SRPK2: variants seen among roughly 807,000 people sequenced by gnomAD.
SRPK2 encodes SRSF protein kinase 2.
Under a neutral mutation model 90.8 loss-of-function variants are expected in SRPK2, and 21 were observed. The observed-to-expected ratio is 0.23, with a 90% CI of 0.16 to 0.33. The LOEUF (loss-of-function observed/expected upper bound fraction) is 0.33. SRPK2 is among the 10% of genes least tolerant of loss of function. The probability of loss-of-function intolerance (pLI) is 1.00; values close to 1 mark genes in which losing one functional copy is unlikely to be tolerated. For missense variants in SRPK2, 620 were observed against 869.0 expected (o/e 0.71, Z 3.60); for synonymous variants, 288 against 311.1 (o/e 0.93, Z 0.78).
chr7:105,173,921 T>TG (rs1473086231), intron 3 of SRPK2, among the ~76,000 whole-genome samples: 1 of 142,902 alleles, frequency 7.0e-6, no homozygotes, highest in Non-Finnish European at 1.5e-5. Context: ...TGTGTGTTGG[T>TG]GTTTTTTTTT....
At chr7:105,118,226 G>C (rs1355556167) in intron 15 of SRPK2, among the ~76,000 whole-genome samples, 2 of 152,212 alleles carry the variant, frequency 1.3e-5, no homozygotes, top group East Asian at 3.8e-4. Flanking sequence ...AAGCCTGGTG[G>C]ATCTAAATAG....
chr7:105,339,408 A>G (rs949759709), intron 2 of SRPK2, among the ~76,000 whole-genome samples: 2 of 152,226 alleles, frequency 1.3e-5, no homozygotes, highest in Non-Finnish European at 2.9e-5. Flanking sequence ...AACCAAACAT[A>G]GAAGAATATA....
At chr7:105,286,506 GCATTCTAAGA>G (rs1808124422) in intron 2 of SRPK2, among the ~76,000 whole-genome samples, 1 of 152,034 alleles carries the variant, frequency 6.6e-6, no homozygotes, top group Non-Finnish European at 1.5e-5. Flanking sequence ...GGTAATTTGG[GCATTCTAAGA>G]CAGTCTCAGA....
chr7:105,131,213 CT>C (rs1801949754), intron 13 of SRPK2, among the ~76,000 whole-genome samples: 1 of 152,220 alleles, frequency 6.6e-6, no homozygotes, highest in South Asian at 2.1e-4. Context: ...AGCCCTGCTG[CT>C]AGTGGCCATT....
intron 3 of SRPK2, among the ~76,000 whole-genome samples, chr7:105,185,035 G>A (rs1793392951): frequency 6.6e-6 from 1 of 152,082 alleles, no homozygotes; most frequent in South Asian, 2.1e-4. Context: ...ATGAACTTTA[G>A]TACGTGAACT....
At chr7:105,299,911 A>C (rs1356123960) in intron 2 of SRPK2, among the ~76,000 whole-genome samples, 11 of 152,030 alleles carry the variant, frequency 7.2e-5, no homozygotes, top group Admixed American at 2.0e-4. Flanking sequence ...AATACAAAAC[A>C]AACAATACAT....
chr7:105,347,708 T>C (rs1816634866), intron 2 of SRPK2, among the ~76,000 whole-genome samples: 1 of 151,810 alleles, frequency 6.6e-6, no homozygotes, highest in Admixed American at 6.6e-5. Flanking sequence ...ATTTTAAAAA[T>C]TAGCCAGGCA....
chr7:105,343,377 T>G (rs779307338), intron 2 of SRPK2, among the ~76,000 whole-genome samples: 10 of 152,094 alleles, frequency 6.6e-5, no homozygotes, highest in Non-Finnish European at 1.2e-4. Flanking sequence ...GAGGCTACAG[T>G]AAGCCAAGGT....
At chr7:105,159,965 G>C (rs1300847026) in intron 7 of SRPK2, among the ~76,000 whole-genome samples, 1 of 152,182 alleles carries the variant, frequency 6.6e-6, no homozygotes, top group Non-Finnish European at 1.5e-5. Context: ...CTCTGTGTGT[G>C]TGTACATGAT....
At chr7:105,198,724 TA>T (rs1795208769) in intron 3 of SRPK2, among the ~76,000 whole-genome samples, 1 of 152,210 alleles carries the variant, frequency 6.6e-6, no homozygotes, top group African/African-American at 2.4e-5. Flanking sequence ...TCGTATCAGA[TA>T]CTGTGTCATG....
At chr7:105,322,113 T>C (rs1813004967) in intron 2 of SRPK2, among the ~76,000 whole-genome samples, 2 of 151,854 alleles carry the variant, frequency 1.3e-5, no homozygotes, top group Admixed American at 1.3e-4. Context: ...TATGTAGCCA[T>C]AAAAAGGAAT....
At chr7:105,365,670 G>A (rs1486734149) in intron 2 of SRPK2, among the ~76,000 whole-genome samples, 1 of 151,526 alleles carries the variant, frequency 6.6e-6, no homozygotes, top group African/African-American at 2.4e-5. Context: ...GTGGTGGCGT[G>A]TACCTGCAGT....
At chr7:105,180,324 G>A (rs1489118914) in intron 3 of SRPK2, among the ~76,000 whole-genome samples, 3 of 152,170 alleles carry the variant, frequency 2.0e-5, no homozygotes, top group African/African-American at 4.8e-5. Flanking sequence ...AAGCAATGGG[G>A]AATGGACTTC....
chr7:105,170,981 A>AAGAAAGAAAGAAAG (rs1219432545), intron 3 of SRPK2, among the ~76,000 whole-genome samples: 28 of 137,618 alleles, frequency 2.0e-4, no homozygotes, highest in Admixed American at 2.9e-4. Context: ...AAGAAAGAGA[A>AAGAAAGAAAGAAAG]AGAAAGAAAG....
intron 11 of SRPK2, among the ~76,000 whole-genome samples, chr7:105,138,505 T>G (rs753713534): frequency 6.6e-6 from 1 of 152,278 alleles, no homozygotes; most frequent in East Asian, 1.9e-4. Flanking sequence ...GAATAAATAA[T>G]AGATGATATT....
Position 105,314,891 on chromosome 7 carries a change from G to A in SRPK2, c.71+73757C>T, listed in dbSNP as rs149178148. Reference sequence around the variant, plus strand: ...TAATCATTCTTACAAAGTATATGTAGGAGAACAGGAAATATGCTTAGAATA... The same window carrying A: ...TAATCATTCTTACAAAGTATATGTAAGAGAACAGGAAATATGCTTAGAATA... On this transcript the variant is annotated intron_variant, in intron 2 of 15. Coordinates refer to ENST00000393651, the MANE Select transcript of SRPK2 (RefSeq NM_182692.3). 3.1e-3 allele frequency among the ~76,000 whole-genome samples: 471 copies of A among 152,268 alleles called. 2 individuals are homozygous for A. The highest frequency in any genetic ancestry group is 3.6e-3 in the Non-Finnish European group (246 of 68,028).
chr7:105,138,647 T>C (rs1421408093), intron 11 of SRPK2, among the ~76,000 whole-genome samples: 2 of 152,038 alleles, frequency 1.3e-5, no homozygotes, highest in African/African-American at 4.8e-5. Flanking sequence ...ACCAAAAATA[T>C]AAAAGTTGAC....
At chr7:105,203,854 C>T in intron 2 of SRPK2, 69 bp from the exon 3 acceptor site, 1 of 1,517,046 alleles carries the variant, frequency 6.6e-7, no homozygotes. Flanking sequence ...CATTTGAGCA[C>T]TTCTTAATAT....
At chr7:105,343,116 T>C (rs1475610197) in intron 2 of SRPK2, among the ~76,000 whole-genome samples, 3 of 152,178 alleles carry the variant, frequency 2.0e-5, no homozygotes, top group African/African-American at 7.2e-5. Context: ...GTCCTGAATG[T>C]CTGAATGGCA....
Sources: allele counts gnomAD v4.1 joint callset (sites outside exome capture counted in the v4.1 genomes callset), GRCh38; gene constraint gnomAD v4.1.1; transcripts MANE v1.5; gene names NCBI Gene and HGNC (gene_info 2026-07-23, HGNC 2026-07-21).